Variants in CACNA1C observed in about 807,000 individuals in gnomAD.
The protein encoded by CACNA1C is calcium voltage-gated channel subunit alpha1 C, also known as voltage-dependent L-type calcium channel subunit alpha-1C.
CACNA1C carries 30 observed loss-of-function variants against 229.0 expected under a neutral mutation model. That is an observed-to-expected ratio of 0.13 (90% CI 0.10 to 0.18). The LOEUF (loss-of-function observed/expected upper bound fraction) is 0.18. CACNA1C is among the 10% of genes least tolerant of loss of function. The pLI, the probability that CACNA1C is intolerant of heterozygous loss-of-function variation, is 1.00. For missense variants in CACNA1C, 1,658 were observed against 2,845.0 expected, an observed-to-expected ratio of 0.58 and a Z score of 9.49; for synonymous variants, 1,114 against 1,132.5, an observed-to-expected ratio of 0.98 and a Z score of 0.33.
At chr12:2,084,294 A>C (rs2066745303) in intron 1 of CACNA1C, among the ~76,000 whole-genome samples, 1 of 152,210 alleles carries the variant, frequency 6.6e-6, no homozygotes, top group African/African-American at 2.4e-5. Context: ...TAACTTCAAC[A>C]CGCAGCCATT....
chr12:2,549,862 G>A (rs1015058680), intron 9 of CACNA1C, 81 bp from the exon 10 acceptor site: 4 of 982,018 alleles, frequency 4.1e-6, no homozygotes, highest in South Asian at 1.4e-5. Context: ...CTTGCGGTGG[G>A]CGTGTTGCAA....
chr12:2,062,128 C>T (rs1477376952), intron 1 of CACNA1C, among the ~76,000 whole-genome samples: 1 of 151,974 alleles, frequency 6.6e-6, no homozygotes, highest in Non-Finnish European at 1.5e-5. Context: ...ATCTGTGGAG[C>T]CATATATGTT....
chr12:2,483,112 A>C (rs908019653), intron 5 of CACNA1C, among the ~76,000 whole-genome samples: 1 of 152,228 alleles, frequency 6.6e-6, no homozygotes, highest in Admixed American at 6.5e-5. Flanking sequence ...GATGAGACTC[A>C]AGGAGCTCTC....
In CACNA1C at chr12:2,029,434, C is replaced by T. The variant is rs980623670; in HGVS notation, c.139+58233C>T. 6.6e-6 allele frequency among the ~76,000 whole-genome samples: 1 copy of T among 152,172 alleles called. No homozygotes were observed. The highest frequency in any genetic ancestry group is 1.5e-5 in the Non-Finnish European group (1 of 68,024). ...TTAAGAAGACACTCCCTATTCCCGCCTCACCCAGGGCCCTGGCAGCCACCG... is the reference window on the plus strand; with the variant it reads ...TTAAGAAGACACTCCCTATTCCCGCTTCACCCAGGGCCCTGGCAGCCACCG... On this transcript the variant is annotated intron_variant, in intron 1 of 46. Coordinates refer to the CACNA1C transcript ENST00000682462. The surrounding 1 kb of genome is among the most constrained non-coding windows in gnomAD (Gnocchi z 4.9).
chr12:2,405,662 T>C (rs1017136717), intron 3 of CACNA1C, among the ~76,000 whole-genome samples: 5 of 152,258 alleles, frequency 3.3e-5, no homozygotes, highest in African/African-American at 1.2e-4. Flanking sequence ...GTACTACTTT[T>C]TTCCAGCCCA....
Position 2,649,404 on chromosome 12 carries a change from A to G in CACNA1C, c.3945+897A>G, listed in dbSNP as rs962875445. Among the ~76,000 whole-genome samples, 1 of 152,214 alleles carries G rather than the reference A, an allele frequency of 6.6e-6. No individual in the cohort carries two copies. Among genetic ancestry groups the G allele is most frequent in the Non-Finnish European group, 1.5e-5 (1 of 68,040 alleles). Reference sequence around the variant, plus strand: ...GCTTGGGTGGGTTGATGTGTTCCCCAGTGCAGCCTGGCGCTGCCTGGCCAC... The same window carrying G: ...GCTTGGGTGGGTTGATGTGTTCCCCGGTGCAGCCTGGCGCTGCCTGGCCAC... On this transcript the variant is annotated intron_variant, in intron 31 of 46. Coordinates refer to ENST00000399655, the MANE Select transcript of CACNA1C (RefSeq NM_000719.7). This position sits in a 1 kb window ranked among gnomAD's most constrained non-coding sequence, Gnocchi z 4.4.
At chr12:2,364,580 C>G (rs2097671537) in intron 3 of CACNA1C, among the ~76,000 whole-genome samples, 1 of 152,210 alleles carries the variant, frequency 6.6e-6, no homozygotes, top group African/African-American at 2.4e-5. Context: ...AGAAATTTCA[C>G]TCGGCTAAAA....
intron 3 of CACNA1C, among the ~76,000 whole-genome samples, chr12:2,298,254 C>T (rs1034904461): frequency 2.0e-5 from 3 of 152,208 alleles, no homozygotes; most frequent in Non-Finnish European, 4.4e-5. Flanking sequence ...CACAATTGCT[C>T]ATCCTATAGT....
intron 1 of CACNA1C, among the ~76,000 whole-genome samples, chr12:2,005,051 A>C (rs1232823943): frequency 2.6e-5 from 4 of 152,080 alleles, no homozygotes; most frequent in African/African-American, 9.7e-5. Context: ...AATGGTGGTT[A>C]AAAGCGCCGG....
At chr12:2,497,969 T>TCTCA (rs145657634) in intron 7 of CACNA1C, among the ~76,000 whole-genome samples, 14 of 144,016 alleles carry the variant, frequency 9.7e-5, no homozygotes, top group African/African-American at 3.3e-4. Context: ...TCTATTAAAT[T>TCTCA]CACACACACA....
chr12:2,267,571 A>G (rs2082857711), intron 3 of CACNA1C, among the ~76,000 whole-genome samples: 1 of 152,190 alleles, frequency 6.6e-6, no homozygotes, highest in African/African-American at 2.4e-5. Context: ...TGCCCATTTT[A>G]CAGATGAGAA....
chr12:2,476,729 A>G (rs923657176), intron 5 of CACNA1C, among the ~76,000 whole-genome samples: 13 of 152,204 alleles, frequency 8.5e-5, no homozygotes, highest in African/African-American at 3.1e-4. Context: ...GGAACCAGTT[A>G]CCCACCATCC....
chr12:2,107,225 G>T (rs2079369802), intron 1 of CACNA1C, among the ~76,000 whole-genome samples: 1 of 144,100 alleles, frequency 6.9e-6, no homozygotes, highest in African/African-American at 2.6e-5. Flanking sequence ...TGAAGCCGCT[G>T]GGCGTCCTTA....
At position 2,054,194 on chromosome 12, in the gene CACNA1C, C is replaced by G. The variant is rs2053607957; in HGVS notation, c.49+583C>G. Among the ~76,000 whole-genome samples the G allele has an allele frequency of 6.6e-6, 1 of 151,940 alleles. No homozygotes were observed. ...GGGGGCGGCGGTGCAGATGTGAAGC[C>G]CAGCGCGCCCCTCTGGTTCCCCCTC... On this transcript the variant is annotated intron_variant, in intron 1 of 46. Transcript: ENST00000399655. The surrounding 1 kb of genome is among the most constrained non-coding windows in gnomAD (Gnocchi z 5.5).
intron 3 of CACNA1C, among the ~76,000 whole-genome samples, chr12:2,168,249 T>C (rs2096325961): frequency 6.6e-6 from 1 of 152,202 alleles, no homozygotes; most frequent in Non-Finnish European, 1.5e-5. Context: ...CAACTGTTCT[T>C]AGAAACATTG....
intron 13 of CACNA1C, among the ~76,000 whole-genome samples, chr12:2,578,493 C>T (rs962879362): frequency 6.6e-6 from 1 of 152,148 alleles, no homozygotes; most frequent in African/African-American, 2.4e-5. Flanking sequence ...GGCCTCACCT[C>T]ATAGCAACAC....
At chr12:2,145,545 G>C (rs559719063) in intron 3 of CACNA1C, among the ~76,000 whole-genome samples, 1 of 151,030 alleles carries the variant, frequency 6.6e-6, no homozygotes, top group Non-Finnish European at 1.5e-5. Context: ...ACATGTGTTT[G>C]CTTGCTCATT....
intron 3 of CACNA1C, among the ~76,000 whole-genome samples, chr12:2,159,149 C>G (rs1245777521): frequency 6.6e-6 from 1 of 152,044 alleles, no homozygotes; most frequent in Non-Finnish European, 1.5e-5. Flanking sequence ...AAGAAGAGAA[C>G]TGTGGATTTT....
chr12:2,396,042 G>A (rs2098563571), intron 3 of CACNA1C, among the ~76,000 whole-genome samples: 1 of 152,140 alleles, frequency 6.6e-6, no homozygotes, highest in African/African-American at 2.4e-5. Flanking sequence ...TGCACTCCTG[G>A]TGTTGAACCT....
Sources: gnomAD v4.1 joint callset for allele counts (sites outside exome capture counted in the v4.1 genomes callset) on GRCh38, gnomAD v4.1.1 for gene constraint, Gnocchi (gnomAD v3.1) non-coding constraint, MANE v1.5 for transcripts, NCBI Gene and HGNC (gene_info 2026-07-23, HGNC 2026-07-21) for gene names.